PCDHGA12: variants seen among roughly 807,000 people sequenced by gnomAD.
The protein encoded by PCDHGA12 is protocadherin gamma-A12.
Under a neutral mutation model 61.1 loss-of-function variants are expected in PCDHGA12, and 43 were observed. The observed-to-expected ratio is 0.70, with a 90% confidence interval of 0.55 to 0.91. The LOEUF is 0.91. PCDHGA12 is among the 40% of genes least tolerant of loss of function. PCDHGA12 has a pLI of 0.00. For synonymous variants in PCDHGA12, 520 were observed against 542.9 expected (o/e 0.96, Z 0.59); for missense variants, 1,236 against 1,227.7 (o/e 1.01, Z -0.10).
rs377367120 is a variant in PCDHGA12, at chr5:141,431,614, C to A, written c.855C>A (p.Asp285Glu). Residue 285 changes from aspartate (D) to glutamate (E), a missense_variant, in exon 1 of 4, where the codon GAC (aspartate) becomes GAA (glutamate). Transcript: ENST00000252085. The surrounding 1 kb of genome is among the most constrained non-coding windows in gnomAD (Gnocchi z 4.8). ...AEVRYSFRYVDDKAAQVFKLD... is the reference protein window; with the variant it reads ...AEVRYSFRYVEDKAAQVFKLD... ...TGAGGTATTCCTTCCGGTATGTGGA[C>A]GACAAGGCGGCCCAAGTTTTCAAAC... The A allele has an allele frequency of 8.7e-6, 14 of 1,614,206 alleles. No individual in the cohort carries two copies. In the African/African-American group the frequency reaches 1.6e-4, roughly 18 times the overall value.
chr5:141,494,781 C>T, intron 1 of PCDHGA12, 26 bp from the exon 2 acceptor site: 1 of 1,614,074 alleles, frequency 6.2e-7, no homozygotes, highest in African/African-American at 1.3e-5. Flanking sequence ...GGGTACTCAG[C>T]CCCTTTCCCT....
rs773688197 is a variant in PCDHGA12 at position 141,432,412 on chromosome 5, C to A, written c.1653C>A (p.Phe551Leu). 2.5e-6 allele frequency: 4 copies of A among 1,614,128 alleles called. No homozygotes were observed. The Admixed American group carries it at 6.7e-5, about 27-fold the overall frequency. The change falls in exon 1 of 4, where the codon TTC becomes TTA. Residue 551 changes from phenylalanine to leucine, a missense_variant. Transcript: ENST00000252085. The surrounding 1 kb of genome is among the most constrained non-coding windows in gnomAD (Gnocchi z 6.0). ...GCAGCAACGTGTCGTTGAGCCTGTT[C>A]GTGCTGGACCAGAACGACAATGCGC... ...PLSSNVSLSLFVLDQNDNAPE... is the reference protein window; with the variant it reads ...PLSSNVSLSLLVLDQNDNAPE...
At chr5:141,507,807 A>AACGG (rs1465406594) in intron 3 of PCDHGA12, among the ~76,000 whole-genome samples, 2 of 152,152 alleles carry the variant, frequency 1.3e-5, no homozygotes, top group East Asian at 3.9e-4. Flanking sequence ...CGCCCTGGGG[A>AACGG]ACGGACCCTG....
chr5:141,460,416 A>C (rs966481039), intron 1 of PCDHGA12, among the ~76,000 whole-genome samples: 1 of 152,138 alleles, frequency 6.6e-6, no homozygotes, highest in African/African-American at 2.4e-5. Flanking sequence ...GTTGATGTTT[A>C]TGTATGGTGT....
rs1403789987 is a variant in PCDHGA12 at position 141,511,845 on chromosome 5, T to C, written c.*672T>C. The C allele has an allele frequency of 6.4e-6, 1 of 156,740 alleles. No individual in the cohort carries two copies. The highest frequency in any genetic ancestry group is 1.4e-5 in the Non-Finnish European group (1 of 70,694). 9.7% of individuals were successfully genotyped at this position (156,740 alleles called of 1,614,324 possible). A position where few individuals can be genotyped will look rare whatever the true frequency, so the allele number is the denominator to read the frequency against. On this transcript the variant is annotated 3_prime_UTR_variant, in exon 4 of 4. Transcript: ENST00000252085. ...AACGCCCTGGGGACCAGTCTTCTGT[T>C]TTGTTTTTCATTGTTTGACGTTTCC...
Position 141,485,844 on chromosome 5 carries a change from G to T in PCDHGA12, c.2425-8963G>T. On this transcript the variant is annotated intron_variant, in intron 1 of 3. Transcript: ENST00000252085. This position sits in a 1 kb window ranked among gnomAD's most constrained non-coding sequence, Gnocchi z 5.7. ...GATGGAGGGAACCCGCCGAGATCTG[G>T]CACCGCAGAGCTCCGGGTATCCGTG... The T allele has an allele frequency of 1.9e-6, 3 of 1,613,890 alleles. 1 individual carries two copies. The South Asian group carries it at 3.3e-5, about 18-fold the overall frequency.
At chr5:141,441,871 G>A (rs1020432020) in intron 1 of PCDHGA12, 3 of 340,480 alleles carry the variant, frequency 8.8e-6, no homozygotes, top group Admixed American at 8.1e-5. Context: ...CGCGGAGCCT[G>A]GCTACCTGGT....
At chr5:141,448,069 T>G (rs1184496754) in intron 1 of PCDHGA12, among the ~76,000 whole-genome samples, 1 of 151,202 alleles carries the variant, frequency 6.6e-6, no homozygotes, top group African/African-American at 2.4e-5. Context: ...CTGGGCAACA[T>G]GAACGAAATG....
Position 141,489,169 on chromosome 5 carries a change from C to T in PCDHGA12, c.2425-5638C>T. On this transcript the variant is annotated intron_variant, in intron 1 of 3. Coordinates refer to ENST00000252085, the MANE Select transcript of PCDHGA12 (RefSeq NM_003735.3). This position sits in a 1 kb window ranked among gnomAD's most constrained non-coding sequence, Gnocchi z 4.5. ...GAGACATAAGAGACTTCAGCTGCTG[C>T]ATTCCAAGCCCTGGGTCTACCTTGG... 3 of 1,124,648 alleles carry T rather than the reference C, an allele frequency of 2.7e-6. No individual in the cohort carries two copies. The highest frequency in any genetic ancestry group is 3.8e-6 in the Non-Finnish European group (3 of 783,910). The allele number at this position is 1,124,648 out of a possible 1,614,324, so 69.7% of individuals were successfully genotyped here. A position where few individuals can be genotyped will look rare whatever the true frequency, so the allele number is the denominator to read the frequency against.
Position 141,494,770 on chromosome 5 carries a change from C to T in PCDHGA12, c.2425-37C>T, listed in dbSNP as rs767006872. 43 of 1,614,022 alleles carry T rather than the reference C, an allele frequency of 2.7e-5. No homozygotes were observed. In the East Asian group the frequency reaches 7.6e-4, roughly 28 times the overall value. On this transcript the variant is annotated intron_variant, in intron 1 of 3. Coordinates refer to ENST00000252085, the MANE Select transcript of PCDHGA12 (RefSeq NM_003735.3). ...GCTCGGGTGACATTCTAACTTCTCA[C>T]GGGTACTCAGCCCCTTTCCCTCTGT...
intron 2 of PCDHGA12, among the ~76,000 whole-genome samples, chr5:141,500,189 TTTATTTA>T (rs1562193869): frequency 4.5e-5 from 5 of 110,894 alleles, no homozygotes; most frequent in African/African-American, 1.8e-4. Context: ...TTTATTTTTA[TTTATTTA>T]TTTATTTATT....
intron 1 of PCDHGA12, among the ~76,000 whole-genome samples, chr5:141,482,857 A>T (rs2099573663): frequency 6.6e-6 from 1 of 152,140 alleles, no homozygotes; most frequent in Admixed American, 6.5e-5. Flanking sequence ...AGATCACTTG[A>T]GGTCAGGAGT....
rs553104661 is a variant in PCDHGA12 at position 141,460,009 on chromosome 5, C to T, written c.2424+26826C>T. ...AGGAGAATCGCTTGAACCCAGGAGG[C>T]GGAGGTTGCAGTGAGCCGAGACTGC... On this transcript the variant is annotated intron_variant, in intron 1 of 3. Coordinates refer to ENST00000252085, the MANE Select transcript of PCDHGA12 (RefSeq NM_003735.3). 9.9e-4 allele frequency among the ~76,000 whole-genome samples: 150 copies of T among 152,212 alleles called. 1 individual carries two copies. The highest frequency in any genetic ancestry group is 3.4e-3 in the Middle Eastern group (1 of 294).
chr5:141,486,559 G>A lies in PCDHGA12; in HGVS notation c.2425-8248G>A. ...CTTTCTTTCAGAGGTCACATGAGGTGTTTGTTCCTGAGAACAATCGCCCAG... is the reference window on the plus strand; with the variant it reads ...CTTTCTTTCAGAGGTCACATGAGGTATTTGTTCCTGAGAACAATCGCCCAG... On this transcript the variant is annotated intron_variant, in intron 1 of 3. Transcript: ENST00000252085. This position sits in a 1 kb window ranked among gnomAD's most constrained non-coding sequence, Gnocchi z 5.0. 6.2e-7 allele frequency: 1 copy of A among 1,614,032 alleles called. No individual in the cohort carries two copies. Among genetic ancestry groups the A allele is most frequent in the Non-Finnish European group, 8.5e-7 (1 of 1,180,022 alleles).
chr5:141,441,973 C>A lies in PCDHGA12; in HGVS notation c.2424+8790C>A, dbSNP rs1457832429. The A allele has an allele frequency of 3.7e-5, 11 of 296,542 alleles. No individual in the cohort carries two copies. In the Admixed American group the frequency reaches 4.9e-4, roughly 13 times the overall value. 18.4% of individuals were successfully genotyped at this position (296,542 alleles called of 1,614,324 possible). A position where few individuals can be genotyped will look rare whatever the true frequency, so the allele number is the denominator to read the frequency against. ...GGCCAGCAAGCCCAGGCTCTTCAGC[C>A]TGGAATGCGCACCGACGAGGTGCTG... On this transcript the variant is annotated intron_variant, in intron 1 of 3. Coordinates refer to ENST00000252085, the MANE Select transcript of PCDHGA12 (RefSeq NM_003735.3).
At chr5:141,506,308 G>A (rs941724820) in intron 3 of PCDHGA12, among the ~76,000 whole-genome samples, 8 of 152,100 alleles carry the variant, frequency 5.3e-5, no homozygotes. Flanking sequence ...AATTAGCTGG[G>A]CATGGTGGTG....
chr5:141,463,438 CTTTTTTTTTT>C (rs71576115), intron 1 of PCDHGA12, among the ~76,000 whole-genome samples: 6 of 103,254 alleles, frequency 5.8e-5, no homozygotes, highest in Non-Finnish European at 9.4e-5. Flanking sequence ...TTTCCTTCTC[CTTTTTTTTTT>C]TTTTTTTTTT....
intron 2 of PCDHGA12, among the ~76,000 whole-genome samples, chr5:141,500,904 C>T (rs2099803610): frequency 6.6e-6 from 1 of 151,662 alleles, no homozygotes; most frequent in Non-Finnish European, 1.5e-5. Context: ...CAGTCTCGCT[C>T]TGTCTCCAGG....
intron 1 of PCDHGA12, among the ~76,000 whole-genome samples, chr5:141,483,993 G>T (rs1307708919): frequency 6.8e-6 from 1 of 147,882 alleles, no homozygotes; most frequent in Non-Finnish European, 1.5e-5. Flanking sequence ...AGGTTGCTGG[G>T]AGGTCTGGAT....
Sources: allele counts gnomAD v4.1 joint callset (sites outside exome capture counted in the v4.1 genomes callset), GRCh38; gene constraint gnomAD v4.1.1; non-coding constraint Gnocchi (gnomAD v3.1); transcripts MANE v1.5; gene names NCBI Gene and HGNC (gene_info 2026-07-23, HGNC 2026-07-21).